FHAD1: variants seen among roughly 807,000 people sequenced by gnomAD.
FHAD1 encodes the protein forkhead-associated domain-containing protein 1.
Under a neutral mutation model 191.3 loss-of-function variants are expected in FHAD1, and 146 were observed. The ratio of observed to expected loss-of-function variants is 0.76; its 90% CI spans 0.67 to 0.88. The LOEUF (loss-of-function observed/expected upper bound fraction) is 0.88, where lower values mean the gene tolerates loss of function less well. Among genes scored for constraint, FHAD1 ranks in the 40% least tolerant of loss-of-function variants. The pLI is 0.00. For missense variants in FHAD1, 1,635 were observed against 1,785.8 expected, an observed-to-expected ratio of 0.92 and a Z score of 1.52; for synonymous variants, 616 against 672.3, an observed-to-expected ratio of 0.92 and a Z score of 1.29.
rs561905756 is a variant in FHAD1, at chr1:15,351,835, G to C, written c.2455-1042G>C. On this transcript the variant is annotated intron_variant, in intron 19 of 33. Transcript: ENST00000688493. ...ACTGGGAGATGTGGTTGAGGGGGGTGCCTGGGAGTTGGATGTGCAGAGGCG... is the reference window on the plus strand; with the variant it reads ...ACTGGGAGATGTGGTTGAGGGGGGTCCCTGGGAGTTGGATGTGCAGAGGCG... Among the ~76,000 whole-genome samples, 9 of 147,930 alleles carry C rather than the reference G, an allele frequency of 6.1e-5. No homozygotes were observed. In the South Asian group the frequency reaches 1.7e-3, roughly 28 times the overall value.
intron 16 of FHAD1, among the ~76,000 whole-genome samples, chr1:15,344,134 C>T (rs1412052532): frequency 2.0e-5 from 3 of 152,208 alleles, no homozygotes; most frequent in Non-Finnish European, 4.4e-5. Context: ...GTCGCCCTTC[C>T]TCTGATACTC....
At chr1:15,379,418 C>T (rs574875072) in intron 28 of FHAD1, among the ~76,000 whole-genome samples, 1 of 152,248 alleles carries the variant, frequency 6.6e-6, no homozygotes, top group Admixed American at 6.5e-5. Flanking sequence ...CGGTTTTTCC[C>T]TATCTCAGTA....
chr1:15,389,473 C>A (rs1001582285), intron 32 of FHAD1, among the ~76,000 whole-genome samples: 1 of 95,702 alleles, frequency 1.0e-5, no homozygotes, highest in East Asian at 2.5e-4. Context: ...AAAAAACCTG[C>A]TGGAAGAGAA....
rs1304453212 is a variant in FHAD1, at chr1:15,289,607, A to G, written c.509A>G (p.Asn170Ser). 6.4e-7 allele frequency: 1 copy of G among 1,551,578 alleles called. No individual in the cohort carries two copies. The highest frequency in any genetic ancestry group is 8.7e-7 in the Non-Finnish European group (1 of 1,146,982). Residue 170 changes from asparagine (N) to serine (S), a missense_variant, in exon 4 of 34, where the codon AAC becomes AGC. Coordinates refer to ENST00000688493, the MANE Select transcript of FHAD1 (RefSeq NM_001391957.1). The surrounding 1 kb of genome is among the most constrained non-coding windows in gnomAD (Gnocchi z 4.2). ...PASHRRPVSA[N>S]KEMFSFVVDD... ...TCCCACAGGCGGCCTGTGAGCGCCAACAAGGAGATGTTCTCGTTCGTGGTG... is the reference window on the plus strand; with the variant it reads ...TCCCACAGGCGGCCTGTGAGCGCCAGCAAGGAGATGTTCTCGTTCGTGGTG...
chr1:15,324,368 G>A (rs928745534), intron 10 of FHAD1, 84 bp from the exon 11 acceptor site: 5 of 1,096,930 alleles, frequency 4.6e-6, no homozygotes, highest in South Asian at 1.4e-5. Flanking sequence ...GACCCCCCAC[G>A]GCCATTAGAC....
At chr1:15,351,041 A>G (rs1195695880) in intron 19 of FHAD1, among the ~76,000 whole-genome samples, 2 of 152,200 alleles carry the variant, frequency 1.3e-5, no homozygotes, top group African/African-American at 4.8e-5. Context: ...GCCAGCCTGG[A>G]TATGAACATA....
rs1311019228 is a variant in FHAD1 at position 15,345,401 on chromosome 1, T to C, written c.2239-15T>C. Reference sequence around the variant, plus strand: ...CATGGTAACCATGTCTATTGAACAATGATCGTTGACTCAGGCTTTGGCGAA... The same window carrying C: ...CATGGTAACCATGTCTATTGAACAACGATCGTTGACTCAGGCTTTGGCGAA... On this transcript the variant is annotated splice_polypyrimidine_tract_variant and intron_variant, in intron 17 of 33. Coordinates refer to ENST00000688493, the MANE Select transcript of FHAD1 (RefSeq NM_001391957.1). The C allele has an allele frequency of 3.7e-5, 57 of 1,549,994 alleles. No homozygotes were observed. The highest frequency in any genetic ancestry group is 4.5e-5 in the Non-Finnish European group (52 of 1,145,086).
Position 15,296,315 on chromosome 1 carries a change from G to A in FHAD1, c.569-369G>A, listed in dbSNP as rs562647907. ...GTCACCCAGGCTGGAGTGCAGTGGC[G>A]CAATCTCGGCTCACTGCAAGCTCCG... On this transcript the variant is annotated intron_variant, in intron 4 of 33. Transcript: ENST00000688493. 6.3e-4 allele frequency among the ~76,000 whole-genome samples: 94 copies of A among 149,326 alleles called. No homozygotes were observed. The Middle Eastern group carries it at 0.028, about 44-fold the overall frequency.
Position 15,272,310 on chromosome 1 carries a change from T to C in FHAD1, c.94-13T>C. 1 of 1,544,762 alleles carries C rather than the reference T, an allele frequency of 6.5e-7. No individual in the cohort carries two copies. The highest frequency in any genetic ancestry group is 1.2e-5 in the South Asian group (1 of 83,956). ...GTTTTCATGGCTACGACTGTCCTCC[T>C]TCTCCGTTGCAGTCTCCTGACATCG... On this transcript the variant is annotated splice_polypyrimidine_tract_variant and intron_variant, in intron 2 of 33. Coordinates refer to ENST00000688493, the MANE Select transcript of FHAD1 (RefSeq NM_001391957.1).
In FHAD1 at chr1:15,345,614, C is replaced by T. The variant is rs188091031; in HGVS notation, c.2346+91C>T. 2.3e-4 allele frequency: 237 copies of T among 1,010,534 alleles called. No individual in the cohort carries two copies. In the African/African-American group the frequency reaches 3.5e-3, roughly 15 times the overall value. 62.6% of individuals were successfully genotyped at this position (1,010,534 alleles called of 1,614,324 possible). ...AGAGCGGCGATGATGGGGGTGAGAT[C>T]GTGGTGGAGCCTTCCTCGTGGAGTT... On this transcript the variant is annotated intron_variant, in intron 18 of 33. Coordinates refer to ENST00000688493, the MANE Select transcript of FHAD1 (RefSeq NM_001391957.1).
At chr1:15,264,258 A>G (rs1417340547) in intron 2 of FHAD1, among the ~76,000 whole-genome samples, 1 of 152,190 alleles carries the variant, frequency 6.6e-6, no homozygotes, top group Non-Finnish European at 1.5e-5. Context: ...AGGTCTTCCA[A>G]TTCTTGAACA....
At chr1:15,365,666 C>A (rs537877049) in intron 23 of FHAD1, among the ~76,000 whole-genome samples, 161 bp from the exon 24 acceptor site, 1 of 151,200 alleles carries the variant, frequency 6.6e-6, no homozygotes, top group East Asian at 2.0e-4. Context: ...AGTCGTTTTT[C>A]TTTTAGAGTT....
At chr1:15,257,813 C>T (rs1253646500) in intron 2 of FHAD1, among the ~76,000 whole-genome samples, 1 of 152,182 alleles carries the variant, frequency 6.6e-6, no homozygotes, top group Non-Finnish European at 1.5e-5. Flanking sequence ...GTGTTCAGTT[C>T]AGTGGCATTA....
intron 5 of FHAD1, among the ~76,000 whole-genome samples, chr1:15,299,672 C>G (rs1225811530): frequency 6.6e-6 from 1 of 152,212 alleles, no homozygotes; most frequent in African/African-American, 2.4e-5. Flanking sequence ...AGGCAGGAAC[C>G]ATAGCTGTGC....
At chr1:15,292,573 G>A (rs1180676999) in intron 4 of FHAD1, among the ~76,000 whole-genome samples, 1 of 152,206 alleles carries the variant, frequency 6.6e-6, no homozygotes, top group Non-Finnish European at 1.5e-5. Flanking sequence ...GACCTCAGGT[G>A]ATCCACCCGC....
Position 15,316,351 on chromosome 1 carries a change from C to G in FHAD1, c.1171-27C>G. ...AACCCTACCTGGCCAACGTTGGCCT[C>G]TTTCTGTGTTGCCCTTTTCTCCACA... On this transcript the variant is annotated intron_variant, in intron 8 of 33. Transcript: ENST00000688493. This position sits in a 1 kb window ranked among gnomAD's most constrained non-coding sequence, Gnocchi z 4.3. 6.5e-7 allele frequency: 1 copy of G among 1,548,772 alleles called. No homozygotes were observed. Among genetic ancestry groups the G allele is most frequent in the Non-Finnish European group, 8.7e-7 (1 of 1,144,788 alleles).
chr1:15,359,388 GT>G (rs1400474230), intron 21 of FHAD1, among the ~76,000 whole-genome samples: 3 of 152,036 alleles, frequency 2.0e-5, no homozygotes, highest in Non-Finnish European at 4.4e-5. Context: ...GGCCCAGCAC[GT>G]CACCTGGGAA....
At chr1:15,278,990 A>T (rs1477336501) in intron 3 of FHAD1, among the ~76,000 whole-genome samples, 3 of 152,152 alleles carry the variant, frequency 2.0e-5, no homozygotes, top group Non-Finnish European at 2.9e-5. Flanking sequence ...TTGAAACAGA[A>T]ATTTGAGGTT....
At chr1:15,337,645 A>C (rs1390862834) in intron 14 of FHAD1, among the ~76,000 whole-genome samples, 1 of 152,140 alleles carries the variant, frequency 6.6e-6, no homozygotes, top group Non-Finnish European at 1.5e-5. Flanking sequence ...CAGCCCCAAC[A>C]GCAAAGACTT....
Sources: allele counts gnomAD v4.1 joint callset (sites outside exome capture counted in the v4.1 genomes callset), GRCh38; gene constraint gnomAD v4.1.1; non-coding constraint Gnocchi (gnomAD v3.1); transcripts MANE v1.5; gene names NCBI Gene and HGNC (gene_info 2026-07-23, HGNC 2026-07-21).